The following LETM2 variants were observed in gnomAD, a reference collection of about 807,000 sequenced individuals.
LETM2 encodes leucine zipper and EF-hand containing transmembrane protein 2, also known as LETM1 domain-containing protein LETM2, mitochondrial.
In LETM2, 58 loss-of-function variants were observed where a neutral mutation model predicts 59.6. The observed-to-expected ratio is 0.97, with a 90% CI of 0.79 to 1.21. The LOEUF is 1.21. LETM2 is among the 50% of genes most tolerant of loss of function. The pLI is 0.00. For missense variants in LETM2, 572 were observed against 575.7 expected (o/e 0.99, Z 0.07); for synonymous variants, 199 against 214.1 (o/e 0.93, Z 0.62).
chr8:38,394,387 T>C (rs1031639943), intron 4 of LETM2, 146 bp downstream of exon 4: 1 of 488,078 alleles, frequency 2.0e-6, no homozygotes, highest in African/African-American at 1.9e-5. Flanking sequence ...ATTAGTGTGC[T>C]ATATTTGTAA....
At chr8:38,408,066 CTTTATCT>C in intron 10 of LETM2, 139 bp from the exon 11 acceptor site, 1 of 636,222 alleles carries the variant, frequency 1.6e-6, no homozygotes, top group Admixed American at 2.8e-5. Context: ...TGTAAATCTC[CTTTATCT>C]TTTATTACCA....
intron 2 of LETM2, among the ~76,000 whole-genome samples, chr8:38,391,251 G>C (rs1430305911): frequency 1.4e-5 from 2 of 140,658 alleles, no homozygotes; most frequent in African/African-American, 5.2e-5. Context: ...CTCTTTGCCA[G>C]TAACTTTCTT....
At chr8:38,392,120 G>C (rs1322142687) in intron 2 of LETM2, among the ~76,000 whole-genome samples, 1 of 152,168 alleles carries the variant, frequency 6.6e-6, no homozygotes, top group Non-Finnish European at 1.5e-5. Flanking sequence ...ACCATCAAAT[G>C]TTTCTTTGAA....
Position 38,405,387 on chromosome 8 carries a change from C to T in LETM2, c.1218+881C>T, listed in dbSNP as rs113054749. 5.0e-3 allele frequency among the ~76,000 whole-genome samples: 756 copies of T among 152,240 alleles called. 11 individuals carry two copies. Among genetic ancestry groups the T allele is most frequent in the African/African-American group, 0.017 (708 of 41,528 alleles). ...GTGGCTTCCTGTCTGACTCAGAACC[C>T]GGCATGAGTAAGAAAGGAAAGATTC... On this transcript the variant is annotated intron_variant, in intron 8 of 10. Transcript: ENST00000379957.
At position 38,394,130 on chromosome 8, in the gene LETM2, G is replaced by T; in HGVS notation, c.534G>T (p.Leu178=). The change falls in exon 4 of 11, where the codon CTG becomes CTT. Residue 178 remains leucine (L), a synonymous_variant. Transcript: ENST00000379957. ...LLRTCVDFFR[L]VPFMVFLIVP... ...GAACTTGTGTTGATTTCTTCCGCCT[G>T]GTTCCATTTATGGTGTTCTTAATTG... The T allele has an allele frequency of 6.7e-7, 1 of 1,489,358 alleles. No individual in the cohort carries two copies. The highest frequency in any genetic ancestry group is 1.7e-4 in the Middle Eastern group (1 of 5,826). The allele number at this position is 1,489,358 out of a possible 1,614,324, so 92.3% of individuals were successfully genotyped here.
In LETM2 at chr8:38,399,958, A is replaced by AG. The variant is rs561642148; in HGVS notation, c.646-313dup. Reference sequence around the variant, plus strand: ...GGGACTTGATCTCAAAAAGAGAGAGAGAGAGAGAGAGAGAGAGAGATAGTA... The same window carrying AG: ...GGGACTTGATCTCAAAAAGAGAGAGAGGAGAGAGAGAGAGAGAGAGATAGTA... On this transcript the variant is annotated intron_variant, in intron 4 of 10. Transcript: ENST00000379957. 1.1e-4 allele frequency among the ~76,000 whole-genome samples: 16 copies of AG among 151,894 alleles called. No individual in the cohort carries two copies. In the East Asian group the frequency reaches 3.1e-3, roughly 29 times the overall value.
At chr8:38,390,623 G>GAAAA (rs766904780) in intron 2 of LETM2, among the ~76,000 whole-genome samples, 1 of 44,834 alleles carries the variant, frequency 2.2e-5, no homozygotes. Context: ...CTCTGTCTCA[G>GAAAA]AAAAAAAAAA....
Position 38,406,967 on chromosome 8 carries a change from G to A in LETM2, c.1240G>A (p.Val414Met). 6.2e-7 allele frequency: 1 copy of A among 1,609,540 alleles called. No individual in the cohort carries two copies. The highest frequency in any genetic ancestry group is 8.5e-7 in the Non-Finnish European group (1 of 1,175,884). ...CCAGGCTCCAAAGACTGATATTCTT[G>A]TGGAATTACCTACTTTCACTGAATC... ...SGEAPKTDIL[V>M]ELPTFTESKE... is the part of the protein sequence containing the mutation. The change falls in exon 9 of 11, where the codon GTG becomes ATG. Residue 414 changes from valine (V) to methionine (M), a missense_variant. By Grantham distance (21) the Val-to-Met change is conservative. Transcript: ENST00000379957.
intron 6 of LETM2, chr8:38,401,748 G>A (rs1813248413): frequency 6.5e-6 from 1 of 153,266 alleles, no homozygotes; most frequent in Admixed American, 6.5e-5. Context: ...CGGGCGCATT[G>A]GCCTGCCAAG....
At chr8:38,407,097 C>A in intron 9 of LETM2, 59 bp downstream of exon 9, 4 of 1,009,128 alleles carry the variant, frequency 4.0e-6, no homozygotes, top group South Asian at 3.9e-5. Context: ...AGCAATGGGT[C>A]ATTTTCTCCT....
In LETM2 at chr8:38,408,785, T is replaced by C. The variant is rs1408697110; in HGVS notation, c.*511T>C. On this transcript the variant is annotated 3_prime_UTR_variant, in exon 11 of 11. Transcript: ENST00000379957. ...GATGGATATACTCCCCAGTAAGATC[T>C]TTCTGGATATAATGAAGCTTCCTGG... 1 of 152,486 alleles carries C rather than the reference T, an allele frequency of 6.6e-6. No homozygotes were observed. The highest frequency in any genetic ancestry group is 2.4e-5 in the African/African-American group (1 of 41,450). The allele number at this position is 152,486 out of a possible 1,614,324, so 9.4% of individuals were successfully genotyped here.
Position 38,392,919 on chromosome 8 carries a change from T to C in LETM2, c.425T>C (p.Ile142Thr). The C allele has an allele frequency of 6.2e-7, 1 of 1,613,106 alleles. No individual in the cohort carries two copies. Among genetic ancestry groups the C allele is most frequent in the African/African-American group, 1.3e-5 (1 of 75,062 alleles). The change falls in exon 3 of 11, where the codon ATT becomes ACT. Residue 142 changes from isoleucine to threonine, a missense_variant. Transcript: ENST00000379957. ...YYYNGFYLLW[I>T]DAKVAARMVW... ...TACAATGGATTCTACTTACTTTGGA[T>C]TGACGCCAAAGTTGCTGCCAGAATG...
upstream of LETM2, among the ~76,000 whole-genome samples, chr8:38,384,690 T>C (rs887534040): frequency 5.3e-5 from 8 of 152,214 alleles, no homozygotes; most frequent in Admixed American, 3.3e-4. Flanking sequence ...TGAACAGATA[T>C]CTCAATAAGA....
Position 38,408,130 on chromosome 8 carries a change from T to A in LETM2, c.1414-82T>A. 3 of 1,027,952 alleles carry A rather than the reference T, an allele frequency of 2.9e-6. No individual in the cohort carries two copies. In the South Asian group the frequency reaches 4.3e-5, roughly 15 times the overall value. 63.7% of individuals were successfully genotyped at this position (1,027,952 alleles called of 1,614,324 possible). Reference sequence around the variant, plus strand: ...TTGACTTTGTGGTCACTATTTTGATTAAGAAAACAAAAATAGCATTCACTC... The same window carrying A: ...TTGACTTTGTGGTCACTATTTTGATAAAGAAAACAAAAATAGCATTCACTC... On this transcript the variant is annotated intron_variant, in intron 10 of 10. Transcript: ENST00000379957.
chr8:38,393,898 T>C, intron 3 of LETM2, 200 bp from the exon 4 acceptor site: 1 of 430,762 alleles, frequency 2.3e-6, no homozygotes, highest in South Asian at 6.7e-5. Flanking sequence ...CATATGCCTG[T>C]AATCCCAGCT....
intron 8 of LETM2, among the ~76,000 whole-genome samples, chr8:38,406,200 C>T (rs933076920): frequency 5.3e-5 from 8 of 152,146 alleles, no homozygotes; most frequent in South Asian, 2.1e-4. Flanking sequence ...ATCTTCCTTG[C>T]GTTATAGGAG....
chr8:38,382,987 T>C (rs1231817409), upstream of LETM2: 1 of 152,102 alleles, frequency 6.6e-6, no homozygotes, highest in East Asian at 1.9e-4. The surrounding 1 kb of genome is among the most constrained non-coding windows in gnomAD (Gnocchi z 4.2). Flanking sequence ...CGCGCGCCTC[T>C]TCCTGCTCTG....
rs138342833 is a variant in LETM2, at chr8:38,408,492, C to A, written c.*218C>A. On this transcript the variant is annotated 3_prime_UTR_variant, in exon 11 of 11. Transcript: ENST00000379957. ...AAAATATAATTGCAAAGTCCCATTT[C>A]CTCTGTACCATTGTCACCCCACTCA... 2.0e-6 allele frequency: 1 copy of A among 506,176 alleles called. No homozygotes were observed. The highest frequency in any genetic ancestry group is 3.4e-5 in the East Asian group (1 of 29,696). The allele number at this position is 506,176 out of a possible 1,614,324, so 31.4% of individuals were successfully genotyped here. A position where few individuals can be genotyped will look rare whatever the true frequency, so the allele number is the denominator to read the frequency against.
At chr8:38,391,045 A>T (rs1812200772) in intron 2 of LETM2, among the ~76,000 whole-genome samples, 2 of 151,694 alleles carry the variant, frequency 1.3e-5, no homozygotes, top group Middle Eastern at 6.8e-3. Flanking sequence ...TGAATATTGC[A>T]TATGCATTTA....
Sources: gnomAD v4.1 joint callset for allele counts (sites outside exome capture counted in the v4.1 genomes callset) on GRCh38, gnomAD v4.1.1 for gene constraint, Gnocchi (gnomAD v3.1) non-coding constraint, MANE v1.5 for transcripts, NCBI Gene and HGNC (gene_info 2026-07-23, HGNC 2026-07-21) for gene names.